Variants in ATP2B2 observed in about 807,000 individuals in gnomAD.
ATP2B2 encodes plasma membrane calcium-transporting ATPase 2.
ATP2B2 carries 15 observed loss-of-function variants against 120.0 expected under a neutral mutation model. That is an observed-to-expected ratio of 0.12 (90% CI 0.08 to 0.19). ATP2B2 has a LOEUF of 0.19. Among genes scored for constraint, ATP2B2 ranks in the 10% least tolerant of loss-of-function variants. The probability of loss-of-function intolerance (pLI) is 1.00; values close to 1 mark genes in which losing one functional copy is unlikely to be tolerated. For missense variants in ATP2B2, 1,045 were observed against 1,719.8 expected (o/e 0.61, Z 6.94); for synonymous variants, 694 against 700.3 (o/e 0.99, Z 0.14).
chr3:10,650,956 T>A (rs921242819), intron 1 of ATP2B2, among the ~76,000 whole-genome samples: 3 of 152,254 alleles, frequency 2.0e-5, no homozygotes, highest in African/African-American at 7.2e-5. Flanking sequence ...AAGGCTTGAC[T>A]GCCCTGCTGG....
intron 2 of ATP2B2, among the ~76,000 whole-genome samples, chr3:10,548,099 C>T (rs375010344): frequency 1.3e-5 from 2 of 152,154 alleles, no homozygotes; most frequent in African/African-American, 4.8e-5. Context: ...ACCACATCAC[C>T]GTTTGTAGAC....
At chr3:10,595,832 T>C (rs756399893) in intron 2 of ATP2B2, among the ~76,000 whole-genome samples, 31 of 152,302 alleles carry the variant, frequency 2.0e-4, no homozygotes, top group Middle Eastern at 6.8e-3. Flanking sequence ...CTCCTTTCCA[T>C]AGCCTACAAG....
At chr3:10,430,484 TGCAGATGTGGTGAAAATAGCAAGA>T in intron 2 of ATP2B2, among the ~76,000 whole-genome samples, 1 of 152,312 alleles carries the variant, frequency 6.6e-6, no homozygotes, top group Non-Finnish European at 1.5e-5. Flanking sequence ...AGGAGGTCAC[TGCAGATGTGGTGAAAATAGCAAGA>T]GAATGAGAAT....
At chr3:10,685,417 G>A (rs1053635373) in intron 1 of ATP2B2, among the ~76,000 whole-genome samples, 17 of 152,220 alleles carry the variant, frequency 1.1e-4, no homozygotes, top group Middle Eastern at 3.2e-3. Flanking sequence ...ACTGCTGGGT[G>A]TTCCGTGGGG....
rs2059893191 is a variant in ATP2B2 at position 10,328,177 on chromosome 3, G to C, written c.*637C>G. On this transcript the variant is annotated 3_prime_UTR_variant, in exon 23 of 23. Transcript: ENST00000360273. ...TATGGACGTATACAGTCTCGGAAAA[G>C]TATACGTTGATATAGATACAAAGAA... 1 of 151,564 alleles carries C rather than the reference G, an allele frequency of 6.6e-6. No homozygotes were observed. The highest frequency in any genetic ancestry group is 1.5e-5 in the Non-Finnish European group (1 of 67,910). 9.4% of individuals were successfully genotyped at this position (151,564 alleles called of 1,614,324 possible). A position where few individuals can be genotyped will look rare whatever the true frequency, so the allele number is the denominator to read the frequency against.
intron 1 of ATP2B2, among the ~76,000 whole-genome samples, chr3:10,696,682 C>T (rs971329616): frequency 2.5e-4 from 38 of 152,216 alleles, no homozygotes; most frequent in African/African-American, 8.7e-4. Context: ...GTCATTGCAG[C>T]TCCCCCTTTC....
intron 1 of ATP2B2, among the ~76,000 whole-genome samples, chr3:10,703,111 C>T (rs763449807): frequency 6.6e-6 from 1 of 152,198 alleles, no homozygotes; most frequent in African/African-American, 2.4e-5. Context: ...CGTCATTCTT[C>T]AAAGGTCTCT....
intron 1 of ATP2B2, among the ~76,000 whole-genome samples, chr3:10,480,437 G>A (rs913942364): frequency 5.9e-5 from 9 of 152,112 alleles, no homozygotes; most frequent in Admixed American, 1.3e-4. Context: ...CTCTCCATAA[G>A]CTGCCAGATC....
At chr3:10,613,488 G>A (rs960880332) in intron 2 of ATP2B2, among the ~76,000 whole-genome samples, 1 of 152,012 alleles carries the variant, frequency 6.6e-6, no homozygotes, top group African/African-American at 2.4e-5. Flanking sequence ...TTAACTTGTG[G>A]GGTCTGCATT....
At position 10,566,775 on chromosome 3, in the gene ATP2B2, T is replaced by A. The variant is rs145500861; in HGVS notation, c.-414-32642A>T. On this transcript the variant is annotated intron_variant, in intron 2 of 21. Transcript: ENST00000646379. ...CTGAGTGACATGCTGGTTCTGAGTT[T>A]TTAACATGGGGCCAGTTCTTGGTGA... Among the ~76,000 whole-genome samples the A allele has an allele frequency of 4.2e-3, 647 of 152,342 alleles. 6 individuals are homozygous for A. The highest frequency in any genetic ancestry group is 0.015 in the African/African-American group (622 of 41,586).
chr3:10,647,064 C>G (rs930359006), intron 1 of ATP2B2, among the ~76,000 whole-genome samples: 15 of 152,180 alleles, frequency 9.9e-5, no homozygotes, highest in African/African-American at 3.6e-4. Context: ...GGTTCCAGGG[C>G]TTGGTGGGAG....
intron 12 of ATP2B2, among the ~76,000 whole-genome samples, chr3:10,367,046 C>A (rs2061081777): frequency 6.6e-6 from 1 of 152,232 alleles, no homozygotes; most frequent in African/African-American, 2.4e-5. Context: ...CTCACACCAC[C>A]CTCCTCCACC....
At position 10,402,348 on chromosome 3, in the gene ATP2B2, C is replaced by A; in HGVS notation, c.398G>T (p.Gly133Val). 1 of 1,613,124 alleles carries A rather than the reference C, an allele frequency of 6.2e-7. No homozygotes were observed. Among genetic ancestry groups the A allele is most frequent in the Non-Finnish European group, 8.5e-7 (1 of 1,180,044 alleles). Residue 133 changes from glycine (G) to valine (V), a missense_variant and splice_region_variant, in exon 4 of 23, where the codon GGA becomes GTA. This residue lies in a region of ATP2B2 where 35 missense variants were observed against 37.2 expected (regional missense o/e 0.94). Coordinates refer to ENST00000360273, the MANE Select transcript of ATP2B2 (RefSeq NM_001001331.4). The surrounding 1 kb of genome is among the most constrained non-coding windows in gnomAD (Gnocchi z 4.9). ...FYHPPGEGNEGCATAQGGAED... is the reference protein window; with the variant it reads ...FYHPPGEGNEVCATAQGGAED... ...TGCCCCACCCTGGGCCGTCGCACAT[C>A]CTGAAAGACCAGATAGAAGCAGGCA... is the stretch of plus-strand genomic sequence containing the variant.
chr3:10,605,998 G>A (rs1429519136), intron 2 of ATP2B2, among the ~76,000 whole-genome samples: 1 of 151,996 alleles, frequency 6.6e-6, no homozygotes, highest in Non-Finnish European at 1.5e-5. Context: ...TGCACCTGTG[G>A]TCTCAGCTAC....
At chr3:10,577,139 C>T (rs1381943808) in intron 2 of ATP2B2, among the ~76,000 whole-genome samples, 7 of 151,948 alleles carry the variant, frequency 4.6e-5, no homozygotes, top group Admixed American at 6.5e-5. Context: ...GATGGAAGTC[C>T]AGGCACTGAG....
chr3:10,385,162 A>G, intron 8 of ATP2B2, 106 bp downstream of exon 8: 1 of 1,171,838 alleles, frequency 8.5e-7, no homozygotes. Flanking sequence ...GCCCATGCAC[A>G]TCCGAGATCT....
chr3:10,378,858 C>T (rs2061451348), intron 9 of ATP2B2, among the ~76,000 whole-genome samples: 1 of 152,212 alleles, frequency 6.6e-6, no homozygotes, highest in African/African-American at 2.4e-5. Flanking sequence ...AGAGGGCAGC[C>T]ATGGGAGCCA....
intron 2 of ATP2B2, among the ~76,000 whole-genome samples, chr3:10,438,421 C>T (rs1305398997): frequency 6.6e-6 from 1 of 152,254 alleles, no homozygotes; most frequent in Non-Finnish European, 1.5e-5. Context: ...CTCTGTCCAA[C>T]TGCCTGCCAA....
chr3:10,539,788 C>T (rs972920737), intron 2 of ATP2B2, among the ~76,000 whole-genome samples: 1 of 152,152 alleles, frequency 6.6e-6, no homozygotes, highest in Non-Finnish European at 1.5e-5. Flanking sequence ...TAGGCAATAC[C>T]ATTCAGGACA....
Sources: gnomAD v4.1 joint callset for allele counts (sites outside exome capture counted in the v4.1 genomes callset) on GRCh38, gnomAD v4.1.1 for gene constraint, gnomAD v4.1.1 regional missense constraint, Gnocchi (gnomAD v3.1) non-coding constraint, MANE v1.5 for transcripts, NCBI Gene and HGNC (gene_info 2026-07-23, HGNC 2026-07-21) for gene names.